The following SRGAP3 variants were observed in gnomAD, a reference collection of about 807,000 sequenced individuals.
SRGAP3 encodes SLIT-ROBO Rho GTPase activating protein 3, also known as SLIT-ROBO Rho GTPase-activating protein 3.
A neutral mutation model predicts 121.1 loss-of-function variants in SRGAP3; 39 were observed. The observed-to-expected ratio is 0.32, with a 90% confidence interval of 0.25 to 0.42. SRGAP3 has a LOEUF of 0.42. SRGAP3 is among the 10% of genes least tolerant of loss of function. The probability of loss-of-function intolerance (pLI) is 1.00; values close to 1 mark genes in which losing one functional copy is unlikely to be tolerated. For missense variants in SRGAP3, 1,213 were observed against 1,470.6 expected, an observed-to-expected ratio of 0.82 and a Z score of 2.86; for synonymous variants, 601 against 570.0, an observed-to-expected ratio of 1.05 and a Z score of -0.77.
rs1271939649 is a variant in SRGAP3, at chr3:8,990,548, C to T, written c.2850G>A (p.Gly950=). 3 of 1,572,980 alleles carry T rather than the reference C, an allele frequency of 1.9e-6. No individual in the cohort carries two copies. Among genetic ancestry groups the T allele is most frequent in the Non-Finnish European group, 1.7e-6 (2 of 1,159,230 alleles). Residue 950 remains glycine, a synonymous_variant, in exon 21 of 22, where the codon GGG becomes GGA. Transcript: ENST00000383836. ...TCGSTRHSSL[G]DHKSLEAEAL... ...CCTCGGCCTCCAGGGACTTGTGGTC[C>T]CCTAGGCTGCTGTGCCTGGTGGAAC... is the stretch of plus-strand genomic sequence containing the variant.
chr3:9,181,258 A>G (rs571259588), intron 1 of SRGAP3, among the ~76,000 whole-genome samples: 13 of 152,320 alleles, frequency 8.5e-5, no homozygotes, highest in African/African-American at 2.2e-4. Context: ...TTGAGACCCA[A>G]AGAAATTTCC....
chr3:9,077,026 G>A (rs763824006), intron 4 of SRGAP3, among the ~76,000 whole-genome samples: 12 of 151,830 alleles, frequency 7.9e-5, no homozygotes, highest in African/African-American at 2.4e-4. Context: ...GGTTTGTTAC[G>A]TAGGTATACA....
intron 3 of SRGAP3, among the ~76,000 whole-genome samples, chr3:9,320,700 T>C (rs747507588): frequency 5.3e-5 from 8 of 151,852 alleles, no homozygotes; most frequent in Non-Finnish European, 8.8e-5. Flanking sequence ...AACAGACTAA[T>C]ACAGAGACCG....
At chr3:9,072,134 C>T (rs1946751543) in intron 4 of SRGAP3, among the ~76,000 whole-genome samples, 1 of 152,186 alleles carries the variant, frequency 6.6e-6, no homozygotes, top group Non-Finnish European at 1.5e-5. Flanking sequence ...ACCGGCCAGG[C>T]TCAGTGCAGT....
intron 1 of SRGAP3, chr3:9,348,553 G>A (rs1310848278): frequency 7.7e-6 from 6 of 779,902 alleles, no homozygotes; most frequent in Admixed American, 6.8e-5. Context: ...GCCATAAGGA[G>A]GCGAAGTGTG....
At chr3:9,035,614 A>C (rs889339780) in intron 11 of SRGAP3, 4 of 178,132 alleles carry the variant, frequency 2.2e-5, no homozygotes, top group Non-Finnish European at 3.6e-5. Flanking sequence ...AGCAAAAAGG[A>C]AAGAAAGAAA....
intron 3 of SRGAP3, among the ~76,000 whole-genome samples, chr3:9,265,483 A>G (rs1284062843): frequency 6.6e-6 from 1 of 152,216 alleles, no homozygotes; most frequent in Non-Finnish European, 1.5e-5. Flanking sequence ...CATCTGACAA[A>G]GGGCTAATAT....
rs1053005994 is a variant in SRGAP3, at chr3:8,983,193, G to C, written c.*2326C>G. The C allele has an allele frequency of 4.4e-6, 1 of 226,770 alleles. No individual in the cohort carries two copies. The highest frequency in any genetic ancestry group is 2.2e-5 in the African/African-American group (1 of 44,908). 14.0% of individuals were successfully genotyped at this position (226,770 alleles called of 1,614,324 possible). ...GAGCCTGACGCAGCCTCTGCTCCTA[G>C]CCAGTGTCAAATCTTGGGCAGGTCA... is the stretch of plus-strand genomic sequence containing the variant. On this transcript the variant is annotated 3_prime_UTR_variant, in exon 22 of 22. Transcript: ENST00000383836.
chr3:9,133,923 T>C (rs1487059772), intron 1 of SRGAP3, among the ~76,000 whole-genome samples: 1 of 152,232 alleles, frequency 6.6e-6, no homozygotes, highest in East Asian at 1.9e-4. Context: ...GAGTTAATCA[T>C]TAAAGTTTAG....
chr3:9,240,430 G>A (rs1953584562), intron 1 of SRGAP3, among the ~76,000 whole-genome samples: 1 of 152,018 alleles, frequency 6.6e-6, no homozygotes, highest in Admixed American at 6.6e-5. Context: ...AATTTCAGGA[G>A]GCAGCCCAAA....
intron 3 of SRGAP3, among the ~76,000 whole-genome samples, chr3:9,087,010 G>A (rs1947528379): frequency 6.6e-6 from 1 of 150,510 alleles, no homozygotes. Flanking sequence ...CCATACAAGA[G>A]TAAATATACA....
At chr3:9,332,028 G>C (rs1955616882) in intron 1 of SRGAP3, among the ~76,000 whole-genome samples, 1 of 152,206 alleles carries the variant, frequency 6.6e-6, no homozygotes. Context: ...AGTGAAAGAA[G>C]ATCTCAAGTC....
At chr3:9,237,029 A>C (rs1023703196) in intron 1 of SRGAP3, among the ~76,000 whole-genome samples, 1 of 152,114 alleles carries the variant, frequency 6.6e-6, no homozygotes, top group African/African-American at 2.4e-5. Flanking sequence ...TAAGTCATCC[A>C]TTGGGTGGCT....
At chr3:9,321,618 T>A (rs528167295) in intron 3 of SRGAP3, among the ~76,000 whole-genome samples, 10 of 151,938 alleles carry the variant, frequency 6.6e-5, no homozygotes, top group African/African-American at 2.2e-4. Flanking sequence ...CAAACCCAGA[T>A]AAAAATGTTC....
chr3:9,076,962 ATATTAT>A (rs375875906), intron 4 of SRGAP3, among the ~76,000 whole-genome samples: 2 of 151,630 alleles, frequency 1.3e-5, no homozygotes, highest in African/African-American at 4.8e-5. Context: ...TACTCTTTTT[ATATTAT>A]TATTATTATT....
At chr3:9,142,661 G>T (rs909435256) in intron 1 of SRGAP3, among the ~76,000 whole-genome samples, 1 of 151,964 alleles carries the variant, frequency 6.6e-6, no homozygotes, top group Non-Finnish European at 1.5e-5. Flanking sequence ...TGAGACGTGG[G>T]GCAAGTCTCT....
rs539678743 is a variant in SRGAP3 at position 9,351,498 on chromosome 3, T to C, written n.214+11342A>G. On this transcript the variant is annotated intron_variant and non_coding_transcript_variant, in intron 1 of 3. Transcript: ENST00000490889. Reference sequence around the variant, plus strand: ...AATAAGGGATCCCAATTCACAAGCATCCCTCAATAAGGTCAGTAGAGTTAG... The same window carrying C: ...AATAAGGGATCCCAATTCACAAGCACCCCTCAATAAGGTCAGTAGAGTTAG... Among the ~76,000 whole-genome samples, 10 of 152,164 alleles carry C rather than the reference T, an allele frequency of 6.6e-5. No homozygotes were observed. The South Asian group carries it at 2.1e-3, about 32-fold the overall frequency.
rs559743215 is a variant in SRGAP3, at chr3:9,235,145, G to A, written c.67+13740C>T. ...TCCCTAAAGGACCATTAAAACGGACGTAGGAGGTCACGCATATTGATGTTC... is the reference window on the plus strand; with the variant it reads ...TCCCTAAAGGACCATTAAAACGGACATAGGAGGTCACGCATATTGATGTTC... On this transcript the variant is annotated intron_variant, in intron 1 of 21. Transcript: ENST00000383836. Among the ~76,000 whole-genome samples the A allele has an allele frequency of 2.3e-4, 35 of 152,246 alleles. 1 individual carries two copies. In the South Asian group the frequency reaches 5.2e-3, roughly 23 times the overall value.
At chr3:9,058,945 C>G in intron 6 of SRGAP3, 1 of 181,722 alleles carries the variant, frequency 5.5e-6, no homozygotes, top group Admixed American at 5.4e-5. Context: ...GTCTCGAACT[C>G]GTGACATTGT....
Sources: gnomAD v4.1 joint callset for allele counts (sites outside exome capture counted in the v4.1 genomes callset) on GRCh38, gnomAD v4.1.1 for gene constraint, MANE v1.5 for transcripts, NCBI Gene and HGNC (gene_info 2026-07-23, HGNC 2026-07-21) for gene names.